The following GDPD4 variants were observed in gnomAD, a reference collection of about 807,000 sequenced individuals.
GDPD4 encodes the protein glycerophosphodiester phosphodiesterase domain containing 4.
GDPD4 carries 60 observed loss-of-function variants against 67.8 expected under a neutral mutation model. That is an observed-to-expected ratio of 0.88 (90% CI 0.72 to 1.10). GDPD4 has a LOEUF of 1.10. GDPD4 is among the 50% of genes least tolerant of loss of function. The pLI is 0.00. For synonymous variants in GDPD4, 212 were observed against 210.9 expected, an observed-to-expected ratio of 1.00 and a Z score of -0.04; for missense variants, 623 against 613.9, an observed-to-expected ratio of 1.01 and a Z score of -0.16.
At chr11:77,296,096 A>C (rs1438203315) in intron 1 of GDPD4, among the ~76,000 whole-genome samples, 1 of 151,484 alleles carries the variant, frequency 6.6e-6, no homozygotes, top group Non-Finnish European at 1.5e-5. Flanking sequence ...CTAAAAATAC[A>C]AAAAATTAGC....
In GDPD4 at chr11:77,217,324, G is replaced by A. The variant is rs758201576; in HGVS notation, c.1526-10C>T. On this transcript the variant is annotated splice_polypyrimidine_tract_variant and intron_variant, in intron 16 of 16. Coordinates refer to ENST00000315938, the MANE Select transcript of GDPD4 (RefSeq NM_182833.3). ...CTTCCACTCTGAGTATCTGTGGGAT[G>A]GAAAAGACACAGATTCCTCAAATGT... The A allele has an allele frequency of 1.9e-6, 3 of 1,594,056 alleles. No individual in the cohort carries two copies. The highest frequency in any genetic ancestry group is 1.7e-6 in the Non-Finnish European group (2 of 1,161,714).
At chr11:77,286,706 G>T (rs1960010860) in intron 2 of GDPD4, among the ~76,000 whole-genome samples, 1 of 152,136 alleles carries the variant, frequency 6.6e-6, no homozygotes, top group Non-Finnish European at 1.5e-5. Flanking sequence ...TACAAATAGA[G>T]GCCCTAAAAA....
intron 13 of GDPD4, among the ~76,000 whole-genome samples, chr11:77,238,355 G>A (rs970756697): frequency 2.6e-5 from 4 of 151,996 alleles, no homozygotes; most frequent in African/African-American, 9.7e-5. Context: ...AGGCCGAGGT[G>A]GGTGGATCAC....
At chr11:77,252,438 A>T (rs959034277) in intron 11 of GDPD4, among the ~76,000 whole-genome samples, 11 of 152,034 alleles carry the variant, frequency 7.2e-5, no homozygotes, top group Non-Finnish European at 1.5e-4. Context: ...AATTTTGTTG[A>T]ATTGTCTATT....
chr11:77,233,237 A>G, intron 13 of GDPD4, 65 bp from the exon 14 acceptor site: 1 of 1,502,730 alleles, frequency 6.7e-7, no homozygotes. Context: ...CTAAAAGGAG[A>G]ACAGCCACCA....
intron 11 of GDPD4, among the ~76,000 whole-genome samples, chr11:77,249,423 C>T (rs900551864): frequency 6.6e-6 from 1 of 152,038 alleles, no homozygotes; most frequent in Non-Finnish European, 1.5e-5. Context: ...CAAAAAATAA[C>T]CAAATAGACT....
chr11:77,253,385 C>T (rs1208232572), intron 11 of GDPD4, among the ~76,000 whole-genome samples: 1 of 152,088 alleles, frequency 6.6e-6, no homozygotes, highest in African/African-American at 2.4e-5. Flanking sequence ...CTCTGTGAGG[C>T]CAAGTGCAGC....
intron 8 of GDPD4, 126 bp downstream of exon 8, chr11:77,269,757 G>T: frequency 5.1e-6 from 3 of 584,710 alleles, no homozygotes; most frequent in Non-Finnish European, 9.2e-6. Context: ...TGTACACAAT[G>T]CCTGCGATAA....
chr11:77,239,908 G>T (rs986536109), intron 13 of GDPD4, among the ~76,000 whole-genome samples: 10 of 150,930 alleles, frequency 6.6e-5, no homozygotes, highest in Admixed American at 2.6e-4. Flanking sequence ...GTTGCAATGG[G>T]CAGAGATTGT....
chr11:77,286,288 T>C (rs1390323244), intron 2 of GDPD4, among the ~76,000 whole-genome samples: 1 of 152,206 alleles, frequency 6.6e-6, no homozygotes. Flanking sequence ...CCTGTGTACA[T>C]GCGCATACAG....
chr11:77,297,537 G>GAAA (rs576071684), intron 1 of GDPD4, among the ~76,000 whole-genome samples: 11 of 77,984 alleles, frequency 1.4e-4, no homozygotes, highest in African/African-American at 3.9e-4. Flanking sequence ...CTCCGTCTCA[G>GAAA]AAAAAAAAAA....
chr11:77,234,583 G>A (rs1039090114), intron 13 of GDPD4, among the ~76,000 whole-genome samples: 1 of 152,156 alleles, frequency 6.6e-6, no homozygotes, highest in African/African-American at 2.4e-5. Flanking sequence ...CCACTTATAA[G>A]TGAGAACATG....
intron 13 of GDPD4, among the ~76,000 whole-genome samples, chr11:77,242,501 A>G (rs1004893177): frequency 1.3e-5 from 2 of 152,188 alleles, no homozygotes; most frequent in African/African-American, 4.8e-5. Context: ...TAATTTACAA[A>G]GGAGAAAACT....
At chr11:77,225,403 A>G (rs1958310022) in intron 16 of GDPD4, among the ~76,000 whole-genome samples, 7 of 152,124 alleles carry the variant, frequency 4.6e-5, no homozygotes, top group Admixed American at 3.9e-4. Context: ...GCAGAAAAAT[A>G]TTTGAAGAAA....
chr11:77,258,063 A>C (rs1204600070), intron 11 of GDPD4, among the ~76,000 whole-genome samples: 1 of 152,242 alleles, frequency 6.6e-6, no homozygotes, highest in Non-Finnish European at 1.5e-5. Context: ...TATATGTCCT[A>C]GTCTGCCTCA....
At chr11:77,249,173 G>T (rs771154247) in intron 11 of GDPD4, among the ~76,000 whole-genome samples, 2 of 150,464 alleles carry the variant, frequency 1.3e-5, no homozygotes, top group Non-Finnish European at 3.0e-5. Flanking sequence ...GGCTGAGGCA[G>T]GAGAATCGCT....
intron 13 of GDPD4, among the ~76,000 whole-genome samples, chr11:77,236,036 TAAAAA>T: frequency 7.2e-6 from 1 of 139,382 alleles, no homozygotes; most frequent in East Asian, 2.1e-4. Flanking sequence ...AACTAAAAAA[TAAAAA>T]GAGAGGGAAG....
At chr11:77,248,679 T>C (rs1311027594) in intron 11 of GDPD4, among the ~76,000 whole-genome samples, 2 of 151,862 alleles carry the variant, frequency 1.3e-5, no homozygotes, top group African/African-American at 4.8e-5. Context: ...CAGAAGAACA[T>C]CTCTTTCTTC....
chr11:77,255,886 T>C (rs1001877208), intron 11 of GDPD4, among the ~76,000 whole-genome samples: 4 of 151,562 alleles, frequency 2.6e-5, no homozygotes, highest in African/African-American at 9.7e-5. Flanking sequence ...TAAATAAATA[T>C]AAAAAAAGAA....
Sources: allele counts gnomAD v4.1 joint callset (sites outside exome capture counted in the v4.1 genomes callset), GRCh38; gene constraint gnomAD v4.1.1; transcripts MANE v1.5; gene names NCBI Gene and HGNC (gene_info 2026-07-23, HGNC 2026-07-21).